ZMYND15: variants seen among roughly 807,000 people sequenced by gnomAD.
The protein encoded by ZMYND15 is zinc finger MYND domain-containing protein 15.
Under a neutral mutation model 81.7 loss-of-function variants are expected in ZMYND15, and 54 were observed. That is an observed-to-expected ratio of 0.66 (90% CI 0.53 to 0.83). ZMYND15 has a LOEUF of 0.83. Among genes scored for constraint, ZMYND15 ranks in the 40% least tolerant of loss-of-function variants. The probability of loss-of-function intolerance (pLI) is 0.00; values close to 1 mark genes in which losing one functional copy is unlikely to be tolerated. For synonymous variants in ZMYND15, 399 were observed against 387.0 expected (o/e 1.03, Z -0.36); for missense variants, 925 against 973.5 (o/e 0.95, Z 0.66).
At position 4,745,142 on chromosome 17, in the gene ZMYND15, C is replaced by T. The variant is rs1033711949; in HGVS notation, c.1897-73C>T. ...TCTGTCCGGGGACCTCGGCTTTCAG[C>T]CCGGTCTGTCATTCTGGCTGCTGGG... On this transcript the variant is annotated intron_variant, in intron 12 of 13. Coordinates refer to ENST00000433935, the MANE Select transcript of ZMYND15 (RefSeq NM_001136046.3). This position sits in a 1 kb window ranked among gnomAD's most constrained non-coding sequence, Gnocchi z 5.2. 4 of 1,609,866 alleles carry T rather than the reference C, an allele frequency of 2.5e-6. No individual in the cohort carries two copies. The African/African-American group carries it at 5.3e-5, about 22-fold the overall frequency.
In ZMYND15 at chr17:4,742,570, G is replaced by A. The variant is rs992335614; in HGVS notation, c.1144+79G>A. On this transcript the variant is annotated intron_variant, in intron 5 of 13. Transcript: ENST00000433935. ...CTGGGAATTAGATGTCTGGGAACAG[G>A]GTCCTGCAGTTGAAGGCTGAGTGTC... 5.8e-6 allele frequency: 9 copies of A among 1,553,812 alleles called. No individual in the cohort carries two copies. The African/African-American group carries it at 9.5e-5, about 16-fold the overall frequency.
In ZMYND15 at chr17:4,740,340, C is replaced by G; in HGVS notation, c.-30-179C>G. 4 of 1,129,584 alleles carry G rather than the reference C, an allele frequency of 3.5e-6. No individual in the cohort carries two copies. The South Asian group carries it at 1.1e-4, about 31-fold the overall frequency. The allele number at this position is 1,129,584 out of a possible 1,614,324, so 70.0% of individuals were successfully genotyped here. A position where few individuals can be genotyped will look rare whatever the true frequency, so the allele number is the denominator to read the frequency against. On this transcript the variant is annotated intron_variant, in intron 1 of 13. Coordinates refer to ENST00000433935, the MANE Select transcript of ZMYND15 (RefSeq NM_001136046.3). ...GTCACCCACTTTCAAGTCCAGCCCCCATTTTCCTCCCTAAACTCCCATCCT... is the reference window on the plus strand; with the variant it reads ...GTCACCCACTTTCAAGTCCAGCCCCGATTTTCCTCCCTAAACTCCCATCCT...
rs200109927 is a variant in ZMYND15 at position 4,741,816 on chromosome 17, G to A, written c.827G>A (p.Arg276Gln). 2.5e-5 allele frequency: 39 copies of A among 1,572,510 alleles called. No individual in the cohort carries two copies. The highest frequency in any genetic ancestry group is 4.5e-5 in the East Asian group (2 of 44,450). Residue 276 changes from arginine (R) to glutamine (Q), a missense_variant and splice_region_variant, in exon 3 of 14, where the codon CGA becomes CAA. Coordinates refer to ENST00000433935, the MANE Select transcript of ZMYND15 (RefSeq NM_001136046.3). ...ACTGTGGGAGATGCCCGGCTGCATC[G>A]GTATAGAAATCTGGTATCTGAGGCT... is the stretch of plus-strand genomic sequence containing the variant. Reference protein sequence around the residue: ...QLTVGDARLHRELESLVPRLG... With the variant: ...QLTVGDARLHQELESLVPRLG...
Position 4,745,808 on chromosome 17 carries a change from C to A in ZMYND15, c.2058-11C>A. The A allele has an allele frequency of 6.3e-7, 1 of 1,585,296 alleles. No homozygotes were observed. The highest frequency in any genetic ancestry group is 8.6e-7 in the Non-Finnish European group (1 of 1,169,368). On this transcript the variant is annotated splice_polypyrimidine_tract_variant and intron_variant, in intron 13 of 13. Coordinates refer to ENST00000433935, the MANE Select transcript of ZMYND15 (RefSeq NM_001136046.3). The surrounding 1 kb of genome is among the most constrained non-coding windows in gnomAD (Gnocchi z 5.2). ...CCCCGTGGTCCCTGACTGCGCCCCG[C>A]GCCCCCGCAGGTACTGCAATGCCTT...
chr17:4,743,917 G>T lies in ZMYND15; in HGVS notation c.1378+70G>T. On this transcript the variant is annotated intron_variant, in intron 7 of 13. Coordinates refer to ENST00000433935, the MANE Select transcript of ZMYND15 (RefSeq NM_001136046.3). This position sits in a 1 kb window ranked among gnomAD's most constrained non-coding sequence, Gnocchi z 4.3. ...CTGGAGAACCAGAGCCTGGGTGGCT[G>T]TGAAGAAGAGGTTTGTTAGACTAGA... is the stretch of plus-strand genomic sequence containing the variant. 1.3e-6 allele frequency: 2 copies of T among 1,587,376 alleles called. No homozygotes were observed. Among genetic ancestry groups the T allele is most frequent in the Non-Finnish European group, 1.7e-6 (2 of 1,163,756 alleles).
chr17:4,745,534 C>T lies in ZMYND15; in HGVS notation c.2057+159C>T, dbSNP rs949643903. Among the ~76,000 whole-genome samples, 2 of 152,064 alleles carry T rather than the reference C, an allele frequency of 1.3e-5. No individual in the cohort carries two copies. The highest frequency in any genetic ancestry group is 4.8e-5 in the African/African-American group (2 of 41,394). ...CTTCTCTGTCCCCACTACTCGTCGC[C>T]CCCATGGGAGGTCTCGACATCCCCC... On this transcript the variant is annotated intron_variant, in intron 13 of 13. Transcript: ENST00000433935. This position sits in a 1 kb window ranked among gnomAD's most constrained non-coding sequence, Gnocchi z 5.2.
chr17:4,742,670 C>T (rs1007932856), intron 5 of ZMYND15, among the ~76,000 whole-genome samples, 179 bp downstream of exon 5: 1 of 152,014 alleles, frequency 6.6e-6, no homozygotes, highest in African/African-American at 2.4e-5. Flanking sequence ...TCTCTGAAGC[C>T]GAGGCCTGAG....
At chr17:4,746,117 C>A, downstream of ZMYND15, 1 of 1,007,600 alleles carries the variant, frequency 9.9e-7, no homozygotes, top group Non-Finnish European at 1.4e-6. Flanking sequence ...TTTGAAACCA[C>A]TGAGTCATGG....
Position 4,745,429 on chromosome 17 carries a change from G to A in ZMYND15, c.2057+54G>A, listed in dbSNP as rs965962473. ...TGACCCTTAACTTCTCTTACTCTCT[G>A]GCTCCACATCCTCGAAGGCCCACCT... On this transcript the variant is annotated intron_variant, in intron 13 of 13. Coordinates refer to ENST00000433935, the MANE Select transcript of ZMYND15 (RefSeq NM_001136046.3). The surrounding 1 kb of genome is among the most constrained non-coding windows in gnomAD (Gnocchi z 5.2). 4.5e-6 allele frequency: 7 copies of A among 1,540,576 alleles called. No individual in the cohort carries two copies. The highest frequency in any genetic ancestry group is 1.3e-5 in the South Asian group (1 of 79,270).
In ZMYND15 at chr17:4,742,402, A is replaced by T. The variant is rs1256662588; in HGVS notation, c.1055A>T (p.Asp352Val). 6.2e-7 allele frequency: 1 copy of T among 1,614,144 alleles called. No homozygotes were observed. Among genetic ancestry groups the T allele is most frequent in the East Asian group, 2.2e-5 (1 of 44,888 alleles). ...LRADWQRCPD[D>V]VSHRFWCPRL... The stretch of plus-strand genomic sequence containing the variant: ...GCTGACTGGCAGCGGTGCCCAGATG[A>T]TGTGAGTCACCGATTTTGGTGCCCA... The change falls in exon 5 of 14, where the codon GAT becomes GTT. Residue 352 changes from aspartate (D) to valine (V), a missense_variant. Asp to Val is a radical substitution (Grantham distance 152). Coordinates refer to ENST00000433935, the MANE Select transcript of ZMYND15 (RefSeq NM_001136046.3).
chr17:4,744,010 C>T lies in ZMYND15; in HGVS notation c.1398C>T (p.Tyr466=), dbSNP rs1445145168. 23 of 1,553,226 alleles carry T rather than the reference C, an allele frequency of 1.5e-5. No individual in the cohort carries two copies. The highest frequency in any genetic ancestry group is 2.0e-5 in the Non-Finnish European group (23 of 1,147,598). The stretch of plus-strand genomic sequence containing the variant: ...TGCCAGGCTCATGGCAGGATTACTA[C>T]ACATGGCGGGGCCTCAGCTTGGACT... The part of the protein sequence containing the change: ...RGVFGSWQDY[Y]TWRGLSLDSP... Residue 466 remains tyrosine, a synonymous_variant, in exon 8 of 14, where the codon TAC becomes TAT. Coordinates refer to ENST00000433935, the MANE Select transcript of ZMYND15 (RefSeq NM_001136046.3). The surrounding 1 kb of genome is among the most constrained non-coding windows in gnomAD (Gnocchi z 4.1).
At position 4,743,637 on chromosome 17, in the gene ZMYND15, A is replaced by G. The variant is rs2150629706; in HGVS notation, c.1298-130A>G. 1 of 1,264,674 alleles carries G rather than the reference A, an allele frequency of 7.9e-7. No homozygotes were observed. Among genetic ancestry groups the G allele is most frequent in the South Asian group, 1.5e-5 (1 of 68,292 alleles). 78.3% of individuals were successfully genotyped at this position (1,264,674 alleles called of 1,614,324 possible). On this transcript the variant is annotated intron_variant, in intron 6 of 13. Coordinates refer to ENST00000433935, the MANE Select transcript of ZMYND15 (RefSeq NM_001136046.3). This position sits in a 1 kb window ranked among gnomAD's most constrained non-coding sequence, Gnocchi z 4.3. ...CCTACCAACTCCACCCAGAAACCCC[A>G]TCCCTATGCAAACCCCCATTCCTCT...
Position 4,740,382 on chromosome 17 carries a change from T to C in ZMYND15, c.-30-137T>C, listed in dbSNP as rs527495540. ...TCCCATCCTCAGCCCTGAAAAATCC[T>C]CTTCTCCGCTCCTAGCATATCCACG... On this transcript the variant is annotated intron_variant, in intron 1 of 13. Transcript: ENST00000433935. 197 of 1,315,812 alleles carry C rather than the reference T, an allele frequency of 1.5e-4. 2 individuals carry two copies. The African/African-American group carries it at 2.8e-3, about 19-fold the overall frequency. 81.5% of individuals were successfully genotyped at this position (1,315,812 alleles called of 1,614,324 possible).
In ZMYND15 at chr17:4,741,915, A is replaced by G; in HGVS notation, c.828A>G (p.Arg276=). The G allele has an allele frequency of 6.2e-7, 1 of 1,613,744 alleles. No individual in the cohort carries two copies. Among genetic ancestry groups the G allele is most frequent in the African/African-American group, 1.3e-5 (1 of 75,046 alleles). Residue 276 remains arginine, a splice_region_variant and synonymous_variant, in exon 4 of 14, where the codon CGA becomes CGG. Coordinates refer to ENST00000433935, the MANE Select transcript of ZMYND15 (RefSeq NM_001136046.3). ...CCATCTCCCCCCCAACTGCATTTAGAGAGCTGGAGAGCTTGGTCCCAAGGC... is the reference window on the plus strand; with the variant it reads ...CCATCTCCCCCCCAACTGCATTTAGGGAGCTGGAGAGCTTGGTCCCAAGGC... ...QLTVGDARLH[R]ELESLVPRLG...
chr17:4,743,659 C>G lies in ZMYND15; in HGVS notation c.1298-108C>G. 2 of 1,317,294 alleles carry G rather than the reference C, an allele frequency of 1.5e-6. No homozygotes were observed. The highest frequency in any genetic ancestry group is 2.1e-6 in the Non-Finnish European group (2 of 962,438). 81.6% of individuals were successfully genotyped at this position (1,317,294 alleles called of 1,614,324 possible). A position where few individuals can be genotyped will look rare whatever the true frequency, so the allele number is the denominator to read the frequency against. ...CCCATCCCTATGCAAACCCCCATTC[C>G]TCTTACTGCGGCTGTCTCAGGGAAT... On this transcript the variant is annotated intron_variant, in intron 6 of 13. Transcript: ENST00000433935. This position sits in a 1 kb window ranked among gnomAD's most constrained non-coding sequence, Gnocchi z 4.3.
rs569272451 is a variant in ZMYND15, at chr17:4,741,058, G to C, written c.510G>C (p.Glu170Asp). The change falls in exon 2 of 14, where the codon GAG becomes GAC. Residue 170 changes from glutamate (E) to aspartate (D), a missense_variant. Transcript: ENST00000433935. The stretch of plus-strand genomic sequence containing the variant: ...GAGAGTCAGAGGAGGCTGCCCGGGA[G>C]GCAGGAGGTGGCAAGGATGGCTGCC... ...PPGESEEAAREAGGGKDGCRE... is the reference protein window; with the variant it reads ...PPGESEEAARDAGGGKDGCRE... 1.3e-6 allele frequency: 2 copies of C among 1,547,940 alleles called. No homozygotes were observed. The highest frequency in any genetic ancestry group is 4.0e-5 in the Admixed American group (2 of 50,158).
Position 4,745,726 on chromosome 17 carries a change from C to A in ZMYND15, c.2058-93C>A. 4 of 662,716 alleles carry A rather than the reference C, an allele frequency of 6.0e-6. No homozygotes were observed. The South Asian group carries it at 7.4e-5, about 12-fold the overall frequency. 41.1% of individuals were successfully genotyped at this position (662,716 alleles called of 1,614,324 possible). On this transcript the variant is annotated intron_variant, in intron 13 of 13. Transcript: ENST00000433935. The surrounding 1 kb of genome is among the most constrained non-coding windows in gnomAD (Gnocchi z 5.2). ...CCCGGTGGAGCCCCGCCCCCTGGTC[C>A]CTGACCGCGCCCCTGGGAGCCCCGA...
Position 4,742,024 on chromosome 17 carries a change from T to C in ZMYND15, c.937T>C (p.Cys313Arg), listed in dbSNP as rs1350899885. The C allele has an allele frequency of 6.2e-7, 1 of 1,614,066 alleles. No individual in the cohort carries two copies. The highest frequency in any genetic ancestry group is 8.5e-7 in the Non-Finnish European group (1 of 1,180,040). Residue 313 changes from cysteine (C) to arginine (R), a missense_variant, in exon 4 of 14, where the codon TGC becomes CGC. By Grantham distance (180) the Cys-to-Arg change is radical. Coordinates refer to ENST00000433935, the MANE Select transcript of ZMYND15 (RefSeq NM_001136046.3). ...CTTTGCTTCCCTTCGTGCTCGAACC[T>C]GCCATGTGTGTCACAGGCACAGCTT... ...FTFASLRART[C>R]HVCHRHSFEA...
In ZMYND15 at chr17:4,739,934, CG is replaced by C. The variant is rs1352380852; in HGVS notation, c.-141del. On this transcript the variant is annotated 5_prime_UTR_variant, in exon 1 of 14. It introduces an in-frame stop codon into an upstream open reading frame of the 5' UTR. Coordinates refer to ENST00000433935, the MANE Select transcript of ZMYND15 (RefSeq NM_001136046.3). The surrounding 1 kb of genome is among the most constrained non-coding windows in gnomAD (Gnocchi z 5.3). ...CAGCCACCCGCGGACGCACCGAGCCCGGGGGGCGTGGCCGCCCGCTGAGCCG... is the reference window on the plus strand; with the variant it reads ...CAGCCACCCGCGGACGCACCGAGCCCGGGGGCGTGGCCGCCCGCTGAGCCG... The C allele has an allele frequency of 3.7e-5, 36 of 985,132 alleles. No individual in the cohort carries two copies. The highest frequency in any genetic ancestry group is 4.3e-5 in the Non-Finnish European group (36 of 829,960). The allele number at this position is 985,132 out of a possible 1,614,324, so 61.0% of individuals were successfully genotyped here.
Sources: gnomAD v4.1 joint callset for allele counts (sites outside exome capture counted in the v4.1 genomes callset) on GRCh38, gnomAD v4.1.1 for gene constraint, Gnocchi (gnomAD v3.1) non-coding constraint, MANE v1.5 for transcripts, NCBI Gene and HGNC (gene_info 2026-07-23, HGNC 2026-07-21) for gene names.